Variants in TAB1 observed in about 807,000 individuals in gnomAD.
The protein encoded by TAB1 is TGF-beta-activated kinase 1 and MAP3K7-binding protein 1.
TAB1 carries 30 observed loss-of-function variants against 54.5 expected under a neutral mutation model. The observed-to-expected ratio is 0.55, with a 90% CI of 0.41 to 0.75. The LOEUF (loss-of-function observed/expected upper bound fraction) is 0.75. Ranked by LOEUF, TAB1 falls within the 30% of genes least tolerant of loss-of-function variation. The pLI is 0.00. For synonymous variants in TAB1, 289 were observed against 286.9 expected (o/e 1.01, Z -0.07); for missense variants, 609 against 683.2 (o/e 0.89, Z 1.21).
intron 1 of TAB1, among the ~76,000 whole-genome samples, chr22:39,406,781 C>T (rs1019298710): frequency 9.2e-5 from 14 of 152,116 alleles, no homozygotes; most frequent in African/African-American, 3.1e-4. Context: ...TACAGGCACC[C>T]ACCACCACGC....
intron 9 of TAB1, 76 bp from the exon 10 acceptor site, chr22:39,427,945 T>C (rs1927420295): frequency 1.5e-6 from 2 of 1,375,090 alleles, no homozygotes; most frequent in Admixed American, 2.1e-5. Flanking sequence ...CATCAGGCCA[T>C]GGAGCAGCTA....
At chr22:39,427,023 C>G in intron 9 of TAB1, 98 bp downstream of exon 9, 1 of 1,215,724 alleles carries the variant, frequency 8.2e-7, no homozygotes, top group South Asian at 1.4e-5. Flanking sequence ...GAGATGGAGT[C>G]AGGAGGCCTG....
In TAB1 at chr22:39,430,974, C is replaced by T. The variant is rs937934292; in HGVS notation, c.*752C>T. 1.2e-4 allele frequency: 123 copies of T among 986,700 alleles called. No homozygotes were observed. Among genetic ancestry groups the T allele is most frequent in the Non-Finnish European group, 1.4e-4 (117 of 830,926 alleles). 61.1% of individuals were successfully genotyped at this position (986,700 alleles called of 1,614,324 possible). A position where few individuals can be genotyped will look rare whatever the true frequency, so the allele number is the denominator to read the frequency against. On this transcript the variant is annotated 3_prime_UTR_variant, in exon 11 of 11. Transcript: ENST00000216160. ...GGTGGGCTGAGGCAGGGGCCGCTGTCGTCAGGCCTGAGCCAGGGTGAGCTG... is the reference window on the plus strand; with the variant it reads ...GGTGGGCTGAGGCAGGGGCCGCTGTTGTCAGGCCTGAGCCAGGGTGAGCTG...
intron 9 of TAB1, 33 bp from the exon 10 acceptor site, chr22:39,427,988 C>T (rs1193336241): frequency 6.5e-7 from 1 of 1,547,754 alleles, no homozygotes; most frequent in Non-Finnish European, 8.8e-7. Context: ...TCCTCAGCTG[C>T]TGCCTGAGGC....
Position 39,417,832 on chromosome 22 carries a change from T to C in TAB1, c.533T>C (p.Leu178Pro). Residue 178 changes from leucine (L) to proline (P), a missense_variant, in exon 5 of 11, where the codon CTC becomes CCC. By Grantham distance (98) the Leu-to-Pro change is moderately conservative. Coordinates refer to ENST00000216160, the MANE Select transcript of TAB1 (RefSeq NM_006116.3). ...GTGGCGGTCCTTCTCAACAACAAGC[T>C]CTACGTCGCCAATGTCGGTGAGCCC... ...AVVAVLLNNKLYVANVGTNRA... is the reference protein window; with the variant it reads ...AVVAVLLNNKPYVANVGTNRA... 6.2e-7 allele frequency: 1 copy of C among 1,610,178 alleles called. No individual in the cohort carries two copies. The highest frequency in any genetic ancestry group is 8.5e-7 in the Non-Finnish European group (1 of 1,178,156).
chr22:39,435,486 T>G (rs1335249956), downstream of TAB1, among the ~76,000 whole-genome samples: 1 of 152,206 alleles, frequency 6.6e-6, no homozygotes, highest in Admixed American at 6.5e-5. Context: ...GATTTGTGTC[T>G]GAAGGTTCGC....
intron 10 of TAB1, among the ~76,000 whole-genome samples, chr22:39,428,953 C>T (rs184604828): frequency 5.3e-5 from 8 of 152,354 alleles, no homozygotes; most frequent in Admixed American, 5.2e-4. Flanking sequence ...CCTGCCAGGC[C>T]GAGCAAGCTC....
intron 9 of TAB1, among the ~76,000 whole-genome samples, chr22:39,427,625 C>T (rs35683168): frequency 0.015 from 2,262 of 152,336 alleles, 58 homozygotes; most frequent in African/African-American, 0.044. Flanking sequence ...TTTGTTCTCC[C>T]ATGGACACCA....
intron 1 of TAB1, among the ~76,000 whole-genome samples, chr22:39,410,934 AG>A (rs1926579611): frequency 6.6e-6 from 1 of 152,256 alleles, no homozygotes; most frequent in Non-Finnish European, 1.5e-5. Flanking sequence ...GACTCACACT[AG>A]CCAATTTAAA....
At chr22:39,416,100 G>A (rs533232132) in intron 3 of TAB1, among the ~76,000 whole-genome samples, 12 of 152,282 alleles carry the variant, frequency 7.9e-5, no homozygotes, top group Admixed American at 3.3e-4. Flanking sequence ...TTCTGCTTGC[G>A]CTGTTGGCAG....
Position 39,418,326 on chromosome 22 carries a change from A to G in TAB1, c.551-406A>G, listed in dbSNP as rs184150719. Among the ~76,000 whole-genome samples, 674 of 152,298 alleles carry G rather than the reference A, an allele frequency of 4.4e-3. 7 individuals carry two copies. The highest frequency in any genetic ancestry group is 0.016 in the African/African-American group (650 of 41,540). ...ATACTCCAGTGGAAAATTTTCCACA[A>G]TATAGAACAATAGAGTGACTGATAT... On this transcript the variant is annotated intron_variant, in intron 5 of 10. Transcript: ENST00000216160.
intron 8 of TAB1, among the ~76,000 whole-genome samples, 178 bp downstream of exon 8, chr22:39,422,149 G>C (rs1927118798): frequency 6.6e-6 from 1 of 152,138 alleles, no homozygotes; most frequent in South Asian, 2.1e-4. Flanking sequence ...CCAAAAACTT[G>C]ACTCATTTTA....
At position 39,431,069 on chromosome 22, in the gene TAB1, C is replaced by G; in HGVS notation, c.*847C>G. The G allele has an allele frequency of 1.0e-6, 1 of 985,760 alleles. No individual in the cohort carries two copies. Among genetic ancestry groups the G allele is most frequent in the African/African-American group, 1.7e-5 (1 of 57,382 alleles). The allele number at this position is 985,760 out of a possible 1,614,324, so 61.1% of individuals were successfully genotyped here. ...CTGGCAGGCAGCTGAGATGAACTGT[C>G]TTTACCACTGATGAGGGGCCTCTGC... On this transcript the variant is annotated 3_prime_UTR_variant, in exon 11 of 11. Transcript: ENST00000216160.
At chr22:39,403,251 C>G (rs369591350) in intron 1 of TAB1, among the ~76,000 whole-genome samples, 3 of 152,250 alleles carry the variant, frequency 2.0e-5, no homozygotes, top group East Asian at 1.9e-4. Context: ...TTGTAATATC[C>G]AAACTACAGC....
At position 39,415,671 on chromosome 22, in the gene TAB1, A is replaced by AAC. The variant is rs1370505249; in HGVS notation, c.324+20_324+21dup. 6.3e-7 allele frequency: 1 copy of AAC among 1,599,780 alleles called. No individual in the cohort carries two copies. The highest frequency in any genetic ancestry group is 8.5e-7 in the Non-Finnish European group (1 of 1,176,364). ...TGCTGCAGGTAATGGTGCCGGGGCC[A>AAC]ACAGTGACCCAGCCACATCATGTCC... On this transcript the variant is annotated intron_variant, in intron 3 of 10. Coordinates refer to ENST00000216160, the MANE Select transcript of TAB1 (RefSeq NM_006116.3). This position sits in a 1 kb window ranked among gnomAD's most constrained non-coding sequence, Gnocchi z 4.9.
At chr22:39,425,922 G>C (rs1927314051) in intron 8 of TAB1, among the ~76,000 whole-genome samples, 1 of 150,722 alleles carries the variant, frequency 6.6e-6, no homozygotes, top group African/African-American at 2.4e-5. Context: ...GGCCAGGCTG[G>C]TCTCGGCTCC....
At chr22:39,409,360 G>A (rs1926511639) in intron 1 of TAB1, among the ~76,000 whole-genome samples, 1 of 152,200 alleles carries the variant, frequency 6.6e-6, no homozygotes, top group Admixed American at 6.5e-5. Context: ...GCAGATCTAA[G>A]ACATAGGGGA....
chr22:39,418,732 G>A lies in TAB1; in HGVS notation c.551G>A (p.Gly184Asp). Residue 184 changes from glycine (G) to aspartate (D), a missense_variant and splice_region_variant, in exon 6 of 11, where the codon GGT (glycine) becomes GAT (aspartate). Coordinates refer to ENST00000216160, the MANE Select transcript of TAB1 (RefSeq NM_006116.3). ...CTTAGCTGTTCACATTCTGCCACAG[G>A]TACAAACCGTGCACTTTTATGCAAA... ...LNNKLYVANVGTNRALLCKST... is the reference protein window; with the variant it reads ...LNNKLYVANVDTNRALLCKST... The A allele has an allele frequency of 1.9e-6, 3 of 1,612,054 alleles. No homozygotes were observed. Among genetic ancestry groups the A allele is most frequent in the Non-Finnish European group, 2.5e-6 (3 of 1,178,156 alleles).
chr22:39,405,088 G>A (rs890325545), intron 1 of TAB1, among the ~76,000 whole-genome samples: 1 of 152,212 alleles, frequency 6.6e-6, no homozygotes, highest in Admixed American at 6.5e-5. Flanking sequence ...CCTTTTCATA[G>A]CATAATTTGG....
Sources: gnomAD v4.1 joint callset for allele counts (sites outside exome capture counted in the v4.1 genomes callset) on GRCh38, gnomAD v4.1.1 for gene constraint, Gnocchi (gnomAD v3.1) non-coding constraint, MANE v1.5 for transcripts, NCBI Gene and HGNC (gene_info 2026-07-23, HGNC 2026-07-21) for gene names.